Variants in STAB2 observed in about 807,000 individuals in gnomAD.
STAB2 encodes the protein stabilin-2.
In STAB2, 288 loss-of-function variants were observed where a neutral mutation model predicts 338.1. The ratio of observed to expected loss-of-function variants is 0.85; its 90% CI spans 0.77 to 0.94. The LOEUF (loss-of-function observed/expected upper bound fraction) is 0.94, where lower values mean the gene tolerates loss of function less well. Among genes scored for constraint, STAB2 ranks in the 40% least tolerant of loss-of-function variants. The pLI, the probability that STAB2 is intolerant of heterozygous loss-of-function variation, is 0.00. For missense variants in STAB2, 3,141 were observed against 3,210.1 expected, an observed-to-expected ratio of 0.98 and a Z score of 0.52; for synonymous variants, 1,202 against 1,193.3, an observed-to-expected ratio of 1.01 and a Z score of -0.15.
intron 18 of STAB2, 40 bp downstream of exon 18, chr12:103,663,038 C>G: frequency 6.2e-7 from 1 of 1,609,528 alleles, no homozygotes; most frequent in Non-Finnish European, 8.5e-7. Flanking sequence ...CCCAAACAGC[C>G]CCTCAGAGCA....
intron 9 of STAB2, among the ~76,000 whole-genome samples, chr12:103,642,811 C>T (rs1475499747): frequency 6.6e-6 from 1 of 152,242 alleles, no homozygotes; most frequent in Non-Finnish European, 1.5e-5. Context: ...GCCCAAACAG[C>T]TCCAAACCAG....
chr12:103,758,387 CATTT>C, intron 64 of STAB2, 98 bp downstream of exon 64: 1 of 1,562,684 alleles, frequency 6.4e-7, no homozygotes, highest in Admixed American at 1.7e-5. Context: ...AGTGGCTACA[CATTT>C]ATTTAGCTCA....
In STAB2 at chr12:103,695,489, A is replaced by G. The variant is rs1226013881; in HGVS notation, c.3376-61A>G. The G allele has an allele frequency of 3.9e-6, 6 of 1,525,268 alleles. No individual in the cohort carries two copies. The African/African-American group carries it at 6.9e-5, about 17-fold the overall frequency. The allele number at this position is 1,525,268 out of a possible 1,614,324, so 94.5% of individuals were successfully genotyped here. ...TTAATGGCATTAGACTCTCCTATGTATCGAAAAGCAGTAGGTCCTACCAAA... is the reference window on the plus strand; with the variant it reads ...TTAATGGCATTAGACTCTCCTATGTGTCGAAAAGCAGTAGGTCCTACCAAA... On this transcript the variant is annotated intron_variant, in intron 31 of 68. Transcript: ENST00000388887.
intron 3 of STAB2, among the ~76,000 whole-genome samples, chr12:103,614,711 A>G (rs1957182742): frequency 6.6e-6 from 1 of 152,208 alleles, no homozygotes; most frequent in South Asian, 2.1e-4. Context: ...GATACACCAC[A>G]CAACCATCCC....
At chr12:103,689,740 C>T in intron 28 of STAB2, 106 bp from the exon 29 acceptor site, 2 of 1,443,424 alleles carry the variant, frequency 1.4e-6, no homozygotes, top group Non-Finnish European at 1.9e-6. Flanking sequence ...GACCCTAGGA[C>T]CCTTCCAGTA....
At chr12:103,713,846 C>A in intron 42 of STAB2, 78 bp downstream of exon 42, 1 of 1,574,296 alleles carries the variant, frequency 6.4e-7, no homozygotes. Context: ...CGTGTGTGCC[C>A]TGATTATCAG....
chr12:103,608,162 A>G (rs1487078303), intron 3 of STAB2, among the ~76,000 whole-genome samples: 1 of 152,212 alleles, frequency 6.6e-6, no homozygotes, highest in Non-Finnish European at 1.5e-5. Context: ...GATGATGAGC[A>G]GAGCCTCGCT....
At position 103,605,718 on chromosome 12, in the gene STAB2, C is replaced by T. The variant is rs536526505; in HGVS notation, c.331+11208C>T. On this transcript the variant is annotated intron_variant, in intron 3 of 68. Transcript: ENST00000388887. ...GATTCCATTAACATTATGAAATGAA[C>T]TTCTTTATACCTGGTAAAAATATGT... Among the ~76,000 whole-genome samples the T allele has an allele frequency of 2.4e-3, 361 of 152,078 alleles. 1 individual carries two copies. The highest frequency in any genetic ancestry group is 3.9e-3 in the Non-Finnish European group (263 of 67,874).
In STAB2 at chr12:103,686,428, G is replaced by A. The variant is rs189932946; in HGVS notation, c.2997+1344G>A. ...AATTCTAAAATCCTGCTTTCACGACGTCCCTCTCCTCCCACGAAAAGCAAA... is the reference window on the plus strand; with the variant it reads ...AATTCTAAAATCCTGCTTTCACGACATCCCTCTCCTCCCACGAAAAGCAAA... On this transcript the variant is annotated intron_variant, in intron 27 of 68. Coordinates refer to ENST00000388887, the MANE Select transcript of STAB2 (RefSeq NM_017564.10). Among the ~76,000 whole-genome samples, 279 of 152,236 alleles carry A rather than the reference G, an allele frequency of 1.8e-3. 1 individual carries two copies. Among genetic ancestry groups the A allele is most frequent in the Admixed American group, 5.3e-3 (81 of 15,296 alleles).
intron 53 of STAB2, among the ~76,000 whole-genome samples, chr12:103,738,207 CAT>C (rs1882307860): frequency 6.6e-6 from 1 of 152,190 alleles, no homozygotes; most frequent in Non-Finnish European, 1.5e-5. Context: ...GGCAATTTCA[CAT>C]AGTCAGTCTA....
Position 103,676,019 on chromosome 12 carries a change from A to C in STAB2, c.2644A>C (p.Asn882His). 6.2e-7 allele frequency: 1 copy of C among 1,601,358 alleles called. No individual in the cohort carries two copies. Among genetic ancestry groups the C allele is most frequent in the Admixed American group, 1.7e-5 (1 of 58,650 alleles). ...ACTAACTCCAGGAGGCTGTAGCCGC[A>C]ATGTGAGTACTGGTCTTCATTTCCA... ...TGLTPGGCSRNAECIKTGTGT... is the reference protein window; with the variant it reads ...TGLTPGGCSRHAECIKTGTGT... The change falls in exon 24 of 69, where the codon AAT (asparagine) becomes CAT (histidine). Residue 882 changes from asparagine to histidine, a missense_variant and splice_region_variant. By Grantham distance (68) the Asn-to-His change is moderately conservative. Coordinates refer to ENST00000388887, the MANE Select transcript of STAB2 (RefSeq NM_017564.10).
chr12:103,692,614 C>T (rs563288231), intron 30 of STAB2, among the ~76,000 whole-genome samples, 198 bp from the exon 31 acceptor site: 115 of 143,202 alleles, frequency 8.0e-4, no homozygotes, highest in African/African-American at 2.5e-3. Flanking sequence ...TGTGTGTGTG[C>T]GTGTGCACGT....
At chr12:103,729,116 C>T in intron 48 of STAB2, 121 bp downstream of exon 48, 2 of 887,876 alleles carry the variant, frequency 2.3e-6, no homozygotes, top group Non-Finnish European at 3.5e-6. Flanking sequence ...CCCAATGCTG[C>T]ATGTCCTCAC....
At chr12:103,592,478 C>G (rs1956814532) in intron 2 of STAB2, among the ~76,000 whole-genome samples, 1 of 152,144 alleles carries the variant, frequency 6.6e-6, no homozygotes. Context: ...GTCTATCATT[C>G]ATCTATGCTG....
chr12:103,656,064 T>C (rs952510134), intron 15 of STAB2, among the ~76,000 whole-genome samples: 6 of 152,238 alleles, frequency 3.9e-5, no homozygotes, highest in Admixed American at 3.3e-4. Flanking sequence ...TTCTCCACCA[T>C]GGGCTTTCAG....
At position 103,669,587 on chromosome 12, in the gene STAB2, G is replaced by T. The variant is rs778696018; in HGVS notation, c.2219G>T (p.Cys740Phe). 10 of 1,614,206 alleles carry T rather than the reference G, an allele frequency of 6.2e-6. No individual in the cohort carries two copies. Among genetic ancestry groups the T allele is most frequent in the East Asian group, 2.2e-5 (1 of 44,890 alleles). The part of the protein sequence containing the change: ...KGFYGPDCNQ[C>F]PGGFSNPCSG... ...TTCTATGGACCTGACTGCAACCAGT[G>T]TCCAGGAGGCTTCTCAAATCCATGC... The change falls in exon 21 of 69, where the codon TGT (cysteine) becomes TTT (phenylalanine). Residue 740 changes from cysteine (C) to phenylalanine (F), a missense_variant. Cys to Phe is a radical substitution (Grantham distance 205, BLOSUM62 -2). Transcript: ENST00000388887.
intron 13 of STAB2, 122 bp downstream of exon 13, chr12:103,654,820 G>A (rs1039699062): frequency 1.7e-6 from 2 of 1,209,768 alleles, no homozygotes; most frequent in African/African-American, 3.1e-5. Context: ...ATCCCGAGCA[G>A]AGAGAAGAAG....
intron 26 of STAB2, 25 bp downstream of exon 26, chr12:103,683,325 A>C (rs1877096575): frequency 6.8e-7 from 1 of 1,476,102 alleles, no homozygotes; most frequent in Non-Finnish European, 9.2e-7. Flanking sequence ...CTTGTTTTTC[A>C]TTACTTAAAA....
chr12:103,615,871 C>T (rs528886204), intron 3 of STAB2, among the ~76,000 whole-genome samples: 33 of 152,216 alleles, frequency 2.2e-4, no homozygotes, highest in African/African-American at 5.1e-4. Context: ...AAGAACAGCA[C>T]GGGGGAAACT....
Sources: allele counts gnomAD v4.1 joint callset (sites outside exome capture counted in the v4.1 genomes callset), GRCh38; gene constraint gnomAD v4.1.1; transcripts MANE v1.5; gene names NCBI Gene and HGNC (gene_info 2026-07-23, HGNC 2026-07-21).